PITPNB: variants seen among roughly 807,000 people sequenced by gnomAD.
PITPNB encodes phosphatidylinositol transfer protein beta.
Under a neutral mutation model 45.9 loss-of-function variants are expected in PITPNB, and 16 were observed. The ratio of observed to expected loss-of-function variants is 0.35; its 90% confidence interval spans 0.24 to 0.53. The LOEUF (loss-of-function observed/expected upper bound fraction) is 0.53. Ranked by LOEUF, PITPNB falls within the 20% of genes least tolerant of loss-of-function variation. PITPNB has a pLI of 0.93. For missense variants in PITPNB, 188 were observed against 330.5 expected (o/e 0.57, Z 3.34); for synonymous variants, 112 against 108.9 (o/e 1.03, Z -0.18).
chr22:27,912,439 T>C (rs987968502), intron 2 of PITPNB, among the ~76,000 whole-genome samples: 1 of 152,150 alleles, frequency 6.6e-6, no homozygotes, highest in Non-Finnish European at 1.5e-5. Context: ...AATCCTTAAA[T>C]ACCTTCAACA....
chr22:27,916,521 TAAA>T, intron 1 of PITPNB, among the ~76,000 whole-genome samples: 2 of 152,192 alleles, frequency 1.3e-5, no homozygotes, highest in Middle Eastern at 3.4e-3. Context: ...TATAAAAAAA[TAAA>T]TAGAGGGCCA....
chr22:27,918,947 T>G (rs1347705150), intron 1 of PITPNB, among the ~76,000 whole-genome samples: 2 of 151,698 alleles, frequency 1.3e-5, no homozygotes, highest in African/African-American at 4.8e-5. Context: ...CCCAGCCGCC[T>G]TCGCCCCGGG....
chr22:27,856,283 G>T (rs957986714), intron 10 of PITPNB, among the ~76,000 whole-genome samples: 14 of 152,176 alleles, frequency 9.2e-5, no homozygotes, highest in African/African-American at 3.4e-4. Flanking sequence ...AAGGAATTGG[G>T]CTTTTACTTG....
intron 8 of PITPNB, among the ~76,000 whole-genome samples, chr22:27,862,208 A>G (rs538286929): frequency 6.6e-6 from 1 of 152,322 alleles, no homozygotes; most frequent in South Asian, 2.1e-4. Flanking sequence ...AATCGGCCAC[A>G]TACATTCAAA....
chr22:27,886,807 C>A (rs1342423635), intron 7 of PITPNB, among the ~76,000 whole-genome samples: 3 of 152,208 alleles, frequency 2.0e-5, no homozygotes, highest in Admixed American at 2.0e-4. Context: ...CTGAGGACTT[C>A]ACTCAAATTT....
Position 27,852,463 on chromosome 22 carries a change from G to C in PITPNB, c.*1239C>G, listed in dbSNP as rs1934047233. ...AGCCGTTTCTGACCAGCACTCTCAT[G>C]ATGCCTATTCAGAATCTGTCCTGAT... On this transcript the variant is annotated 3_prime_UTR_variant, in exon 12 of 12. Coordinates refer to ENST00000335272, the MANE Select transcript of PITPNB (RefSeq NM_012399.5). The C allele has an allele frequency of 6.6e-6, 1 of 152,184 alleles. No individual in the cohort carries two copies. Among genetic ancestry groups the C allele is most frequent in the African/African-American group, 2.4e-5 (1 of 41,444 alleles). 9.4% of individuals were successfully genotyped at this position (152,184 alleles called of 1,614,324 possible).
chr22:27,883,701 C>T (rs1601401771), intron 7 of PITPNB, among the ~76,000 whole-genome samples: 1 of 152,216 alleles, frequency 6.6e-6, no homozygotes, highest in Non-Finnish European at 1.5e-5. Flanking sequence ...GCTAAAAATG[C>T]TCCCCAGCGA....
rs1390703700 is a variant in PITPNB at position 27,896,599 on chromosome 22, T to C, written c.325A>G (p.Ile109Val). 1 of 1,610,066 alleles carries C rather than the reference T, an allele frequency of 6.2e-7. No homozygotes were observed. The highest frequency in any genetic ancestry group is 8.5e-7 in the Non-Finnish European group (1 of 1,176,386). The change falls in exon 6 of 12, where the codon ATT (isoleucine) becomes GTT (valine). Residue 109 changes from isoleucine to valine, a missense_variant. Ile to Val is a conservative substitution (Grantham distance 29). Transcript: ENST00000335272. ...GGTTTGTGCCATGTTTCGATTTTAATGAAGAAATCATCTTTCATATATTCA... is the reference window on the plus strand; with the variant it reads ...GGTTTGTGCCATGTTTCGATTTTAACGAAGAAATCATCTTTCATATATTCA... Reference protein sequence around the residue: ...TNEYMKDDFFIKIETWHKPDL... With the variant: ...TNEYMKDDFFVKIETWHKPDL...
intron 3 of PITPNB, 79 bp from the exon 4 acceptor site, chr22:27,897,971 T>A: frequency 1.0e-6 from 1 of 975,776 alleles, no homozygotes; most frequent in Non-Finnish European, 1.6e-6. Context: ...CTTGAAAGAG[T>A]ATGGCAATCA....
intron 3 of PITPNB, among the ~76,000 whole-genome samples, chr22:27,901,238 T>C (rs1935583444): frequency 1.3e-5 from 2 of 152,238 alleles, no homozygotes. Context: ...ACTTTAAGAC[T>C]ATTTAACTTC....
intron 3 of PITPNB, 54 bp from the exon 4 acceptor site, chr22:27,897,946 G>A (rs1569027288): frequency 1.6e-6 from 2 of 1,222,684 alleles, no homozygotes; most frequent in Non-Finnish European, 2.4e-6. Flanking sequence ...TTCTTTCTTG[G>A]TATCTATCCA....
chr22:27,913,172 T>C (rs1315872729), intron 2 of PITPNB, among the ~76,000 whole-genome samples: 3 of 152,100 alleles, frequency 2.0e-5, no homozygotes, highest in Non-Finnish European at 4.4e-5. Flanking sequence ...ATTGTGCAAA[T>C]AGAGAACAGG....
intron 3 of PITPNB, among the ~76,000 whole-genome samples, chr22:27,903,915 A>G (rs1272288481): frequency 1.3e-5 from 2 of 152,238 alleles, no homozygotes; most frequent in Non-Finnish European, 2.9e-5. Context: ...AAGAAAATGC[A>G]AATCAAAACC....
chr22:27,914,613 A>G (rs994003102), intron 1 of PITPNB, among the ~76,000 whole-genome samples: 2 of 152,340 alleles, frequency 1.3e-5, no homozygotes, highest in South Asian at 4.1e-4. Context: ...TCTTGTGAGT[A>G]AAGAAAAAAG....
intron 7 of PITPNB, among the ~76,000 whole-genome samples, chr22:27,888,399 A>G (rs897671004): frequency 2.0e-5 from 3 of 152,238 alleles, no homozygotes; most frequent in Admixed American, 6.5e-5. Flanking sequence ...CTGCTAGACT[A>G]GCAACAGTTC....
Position 27,910,008 on chromosome 22 carries a change from T to C in PITPNB, c.197+956A>G, listed in dbSNP as rs1327313314. Among the ~76,000 whole-genome samples, 6 of 150,504 alleles carry C rather than the reference T, an allele frequency of 4.0e-5. No individual in the cohort carries two copies. The Admixed American group carries it at 4.0e-4, about 10-fold the overall frequency. On this transcript the variant is annotated intron_variant, in intron 3 of 11. Coordinates refer to ENST00000335272, the MANE Select transcript of PITPNB (RefSeq NM_012399.5). ...GCTCTGTCACCAGGCTGGAGTGCAG[T>C]GGTGTGATCTCGGCTCACTGCAACC... is the stretch of plus-strand genomic sequence containing the variant.
chr22:27,857,309 A>T (rs1440949689), intron 10 of PITPNB, among the ~76,000 whole-genome samples: 9 of 152,244 alleles, frequency 5.9e-5, no homozygotes, highest in Non-Finnish European at 1.3e-4. Context: ...TTTATGTATA[A>T]GATAAGGTTA....
intron 7 of PITPNB, among the ~76,000 whole-genome samples, chr22:27,881,721 T>C (rs1029597074): frequency 6.6e-6 from 1 of 152,108 alleles, no homozygotes; most frequent in Non-Finnish European, 1.5e-5. Context: ...ATGTAACATC[T>C]AAAACACAGG....
intron 8 of PITPNB, among the ~76,000 whole-genome samples, chr22:27,861,522 A>G (rs942783911): frequency 2.6e-5 from 4 of 152,164 alleles, no homozygotes; most frequent in African/African-American, 9.7e-5. Flanking sequence ...TTCCAAGGTG[A>G]TGTGTGCAGA....
Sources: gnomAD v4.1 joint callset for allele counts (sites outside exome capture counted in the v4.1 genomes callset) on GRCh38, gnomAD v4.1.1 for gene constraint, MANE v1.5 for transcripts, NCBI Gene and HGNC (gene_info 2026-07-23, HGNC 2026-07-21) for gene names.